CDKAL1: variants seen among roughly 807,000 people sequenced by gnomAD.
The protein encoded by CDKAL1 is CDKAL1 threonylcarbamoyladenosine tRNA methylthiotransferase.
CDKAL1 carries 32 observed loss-of-function variants against 68.2 expected under a neutral mutation model. That is an observed-to-expected ratio of 0.47 (90% CI 0.35 to 0.63). CDKAL1 has a LOEUF of 0.63. Among genes scored for constraint, CDKAL1 ranks in the 30% least tolerant of loss-of-function variants. The pLI is 0.00. For missense variants in CDKAL1, 606 were observed against 696.7 expected, an observed-to-expected ratio of 0.87 and a Z score of 1.47; for synonymous variants, 234 against 244.3, an observed-to-expected ratio of 0.96 and a Z score of 0.39.
intron 9 of CDKAL1, among the ~76,000 whole-genome samples, chr6:20,896,979 A>G (rs558718251): frequency 3.9e-5 from 6 of 152,340 alleles, no homozygotes; most frequent in East Asian, 1.9e-4. Context: ...CTGCTATTAC[A>G]AAATGCCTTC....
chr6:21,190,363 G>A (rs569321405), intron 13 of CDKAL1, among the ~76,000 whole-genome samples: 1 of 151,882 alleles, frequency 6.6e-6, no homozygotes, highest in East Asian at 1.9e-4. Flanking sequence ...ATATGTGTGG[G>A]GTTTTTTTTG....
chr6:20,775,316 AT>A (rs1293022056), intron 7 of CDKAL1, among the ~76,000 whole-genome samples: 1 of 152,030 alleles, frequency 6.6e-6, no homozygotes, highest in East Asian at 1.9e-4. Context: ...TTTCTTTTCT[AT>A]ATTGTTTTGC....
intron 10 of CDKAL1, among the ~76,000 whole-genome samples, chr6:20,972,938 A>C (rs781474485): frequency 7.6e-4 from 116 of 152,142 alleles, no homozygotes; most frequent in Non-Finnish European, 1.6e-3. Context: ...ACATATCACT[A>C]GTGCTTTCTG....
rs1414637091 is a variant in CDKAL1, at chr6:20,888,640, G to A, written c.742+42462G>A. On this transcript the variant is annotated intron_variant, in intron 9 of 15. Coordinates refer to ENST00000274695, the MANE Select transcript of CDKAL1 (RefSeq NM_017774.3). ...GAGGTGTTTGGTTTTTTGTCCTTGT[G>A]ATAGTTTGCTGAGAATGATGATTTC... is the stretch of plus-strand genomic sequence containing the variant. 4.7e-5 allele frequency among the ~76,000 whole-genome samples: 7 copies of A among 148,484 alleles called. No homozygotes were observed. The East Asian group carries it at 1.4e-3, about 30-fold the overall frequency.
chr6:21,086,944 A>G (rs1772726065), intron 12 of CDKAL1, among the ~76,000 whole-genome samples: 1 of 152,148 alleles, frequency 6.6e-6, no homozygotes, highest in Non-Finnish European at 1.5e-5. Context: ...TTTTTCTGGG[A>G]ACATTTATGT....
rs1336916663 is a variant in CDKAL1 at position 20,990,066 on chromosome 6, AACCCTGTCTCTACT to A, written c.910-10159_910-10146del. 8.5e-5 allele frequency among the ~76,000 whole-genome samples: 13 copies of A among 152,200 alleles called. No homozygotes were observed. The East Asian group carries it at 2.5e-3, about 29-fold the overall frequency. Reference sequence around the variant, plus strand: ...GAGACCAGCCTGGCCAACGTGGTAAAACCCTGTCTCTACTAAAAATACACAAATTAGCTGGGCGT... The same window carrying A: ...GAGACCAGCCTGGCCAACGTGGTAAAAAAAATACACAAATTAGCTGGGCGT... On this transcript the variant is annotated intron_variant, in intron 10 of 15. Transcript: ENST00000274695.
intron 9 of CDKAL1, among the ~76,000 whole-genome samples, chr6:20,856,223 T>G (rs549581949): frequency 1.3e-5 from 2 of 152,300 alleles, no homozygotes; most frequent in South Asian, 4.1e-4. Context: ...CAAGAGGGGA[T>G]TGGGGTCAGG....
intron 10 of CDKAL1, 151 bp downstream of exon 10, chr6:20,955,736 C>T (rs114497317): frequency 0.034 from 21,020 of 621,026 alleles, 489 homozygotes; most frequent in Non-Finnish European, 0.044. Context: ...TCAAGACTTT[C>T]AAATCCCCTT....
At chr6:20,649,747 T>C (rs540433883) in intron 5 of CDKAL1, among the ~76,000 whole-genome samples, 1 of 152,152 alleles carries the variant, frequency 6.6e-6, no homozygotes, top group South Asian at 2.1e-4. Flanking sequence ...GGCCCAACTG[T>C]ATGTTGTTCC....
intron 11 of CDKAL1, among the ~76,000 whole-genome samples, chr6:21,008,181 C>G (rs1008118905): frequency 1.3e-5 from 2 of 152,034 alleles, no homozygotes; most frequent in Non-Finnish European, 1.5e-5. Context: ...ATAGAGCCCC[C>G]CTTAGGCTGT....
At chr6:20,656,369 G>A (rs1451233011) in intron 5 of CDKAL1, among the ~76,000 whole-genome samples, 2 of 152,210 alleles carry the variant, frequency 1.3e-5, no homozygotes, top group Non-Finnish European at 2.9e-5. Flanking sequence ...CAAGAGGCAA[G>A]GGAAGGGAGG....
chr6:20,794,073 T>A (rs1028326974), intron 8 of CDKAL1, among the ~76,000 whole-genome samples: 4 of 151,836 alleles, frequency 2.6e-5, no homozygotes, highest in Admixed American at 2.6e-4. Flanking sequence ...TTGACTGATC[T>A]TTTAATGTCT....
chr6:21,080,010 T>TGTGTGTGTGTGTGTGTGTGTGTG (rs1463270762), intron 12 of CDKAL1, among the ~76,000 whole-genome samples: 3 of 17,804 alleles, frequency 1.7e-4, no homozygotes, highest in East Asian at 3.1e-3. Context: ...GTGTGTGTGT[T>TGTGTGTGTGTGTGTGTGTGTGTG]TGAACCATGT....
At chr6:21,132,861 T>C (rs139452012) in intron 13 of CDKAL1, among the ~76,000 whole-genome samples, 170 of 152,296 alleles carry the variant, frequency 1.1e-3, no homozygotes, top group Non-Finnish European at 1.9e-3. Context: ...GTCGAACCTA[T>C]ATATTTGTTT....
At chr6:20,721,733 T>G (rs1385207909) in intron 5 of CDKAL1, among the ~76,000 whole-genome samples, 1 of 134,718 alleles carries the variant, frequency 7.4e-6, no homozygotes, top group South Asian at 2.5e-4. Flanking sequence ...CTGTTTTTTT[T>G]TTTTTTTTTT....
intron 8 of CDKAL1, among the ~76,000 whole-genome samples, chr6:20,816,511 G>C (rs934278242): frequency 2.6e-5 from 4 of 152,096 alleles, no homozygotes; most frequent in Non-Finnish European, 4.4e-5. Context: ...AAGCAAATCA[G>C]AGGTCATTAA....
intron 4 of CDKAL1, among the ~76,000 whole-genome samples, chr6:20,556,626 T>A (rs1256266494): frequency 2.0e-5 from 3 of 152,222 alleles, no homozygotes; most frequent in Admixed American, 6.5e-5. Context: ...TATTTACATT[T>A]ATATAGTGTC....
At chr6:20,676,441 G>A (rs59802883) in intron 5 of CDKAL1, among the ~76,000 whole-genome samples, 14,005 of 151,974 alleles carry the variant, frequency 0.092, 2,066 homozygotes, top group African/African-American at 0.31. Flanking sequence ...GCCGATGCGT[G>A]CGGGTCATGA....
At chr6:20,635,832 T>C (rs1266874604) in intron 4 of CDKAL1, among the ~76,000 whole-genome samples, 1 of 152,236 alleles carries the variant, frequency 6.6e-6, no homozygotes, top group East Asian at 1.9e-4. Flanking sequence ...TTAAGTTTTA[T>C]GTGACATGGG....
Sources: allele counts gnomAD v4.1 joint callset (sites outside exome capture counted in the v4.1 genomes callset), GRCh38; gene constraint gnomAD v4.1.1; transcripts MANE v1.5; gene names NCBI Gene and HGNC (gene_info 2026-07-23, HGNC 2026-07-21).